UPF2: variants seen among roughly 807,000 people sequenced by gnomAD.
The protein encoded by UPF2 is regulator of nonsense transcripts 2.
In UPF2, 17 loss-of-function variants were observed where a neutral mutation model predicts 141.4. That is an observed-to-expected ratio of 0.12 (90% confidence interval 0.08 to 0.18). The LOEUF (loss-of-function observed/expected upper bound fraction) is 0.18. Among genes scored for constraint, UPF2 ranks in the 10% least tolerant of loss-of-function variants. UPF2 has a pLI of 1.00. For missense variants in UPF2, 1,152 were observed against 1,515.9 expected (o/e 0.76, Z 3.99); for synonymous variants, 540 against 498.0 (o/e 1.08, Z -1.12).
At chr10:11,952,709 C>T (rs549713362) in intron 14 of UPF2, among the ~76,000 whole-genome samples, 3 of 152,090 alleles carry the variant, frequency 2.0e-5, no homozygotes, top group Non-Finnish European at 4.4e-5. Context: ...CTCCTGACCT[C>T]GTGATCCGCC....
intron 14 of UPF2, 64 bp downstream of exon 14, chr10:11,955,165 ATAG>A: frequency 1.4e-6 from 2 of 1,427,954 alleles, no homozygotes; most frequent in Non-Finnish European, 1.9e-6. Flanking sequence ...TTCTTCTCTC[ATAG>A]TATTCTTTTA....
chr10:12,003,630 T>C (rs1003588753), intron 5 of UPF2, among the ~76,000 whole-genome samples: 1 of 151,930 alleles, frequency 6.6e-6, no homozygotes, highest in Non-Finnish European at 1.5e-5. Flanking sequence ...AAAATTAACG[T>C]TTAGGAATGC....
chr10:11,922,024 A>T (rs1277173336), intron 21 of UPF2, among the ~76,000 whole-genome samples: 1 of 152,170 alleles, frequency 6.6e-6, no homozygotes, highest in African/African-American at 2.4e-5. Flanking sequence ...ATAAAAAGGG[A>T]AATTTGCACA....
At chr10:12,026,050 T>TC (rs1834413900) in intron 3 of UPF2, among the ~76,000 whole-genome samples, 1 of 152,116 alleles carries the variant, frequency 6.6e-6, no homozygotes, top group East Asian at 1.9e-4. Flanking sequence ...TGCCTCAGCC[T>TC]CCCAAAGTGC....
intron 21 of UPF2, 90 bp downstream of exon 21, chr10:11,929,775 T>C (rs1832760060): frequency 4.6e-6 from 7 of 1,515,814 alleles, no homozygotes; most frequent in African/African-American, 2.8e-5. Context: ...AATCGGGCCT[T>C]TGCCAAAAAC....
chr10:11,957,354 G>T (rs941588477), intron 12 of UPF2, among the ~76,000 whole-genome samples: 1 of 151,706 alleles, frequency 6.6e-6, no homozygotes. Flanking sequence ...ACTTGAACCC[G>T]GGAGGCAGAG....
chr10:12,020,874 A>G (rs1057196531), intron 3 of UPF2, among the ~76,000 whole-genome samples: 1 of 152,204 alleles, frequency 6.6e-6, no homozygotes, highest in Non-Finnish European at 1.5e-5. Flanking sequence ...TGCCTTTCAA[A>G]TTATAATTAT....
chr10:12,018,003 T>C (rs1834254137), intron 3 of UPF2, among the ~76,000 whole-genome samples: 1 of 152,218 alleles, frequency 6.6e-6, no homozygotes, highest in Non-Finnish European at 1.5e-5. Flanking sequence ...ATGACTTCTG[T>C]TATATATAAA....
chr10:12,024,149 T>C (rs930462192), intron 3 of UPF2, among the ~76,000 whole-genome samples: 19 of 152,074 alleles, frequency 1.2e-4, no homozygotes, highest in Admixed American at 1.3e-4. Flanking sequence ...TCCTATGATG[T>C]AGAAAAACCT....
Position 11,998,457 on chromosome 10 carries a change from A to C in UPF2, c.1759-700T>G, listed in dbSNP as rs930910670. Among the ~76,000 whole-genome samples the C allele has an allele frequency of 1.3e-5, 2 of 152,112 alleles. No individual in the cohort carries two copies. The highest frequency in any genetic ancestry group is 4.8e-5 in the African/African-American group (2 of 41,424). On this transcript the variant is annotated intron_variant, in intron 7 of 21. Transcript: ENST00000357604. This position sits in a 1 kb window ranked among gnomAD's most constrained non-coding sequence, Gnocchi z 4.5. ...GGGTGCAGTGGCACAATCATGGCTC[A>C]CTGCAGCCTTGCTCTGCCAGGCTCC...
Position 11,938,863 on chromosome 10 carries a change from T to TG in UPF2, c.3379-2152_3379-2151insC, listed in dbSNP as rs1564337822. Among the ~76,000 whole-genome samples, 86 of 81,088 alleles carry TG rather than the reference T, an allele frequency of 1.1e-3. 2 individuals carry two copies. The highest frequency in any genetic ancestry group is 7.7e-3 in the East Asian group (10 of 1,304). 53.2% of individuals were successfully genotyped at this position (81,088 alleles called of 152,430 possible). A position where few individuals can be genotyped will look rare whatever the true frequency, so the allele number is the denominator to read the frequency against. ...GCAAGTTTTTTTTTTGTTTTTTTTT[T>TG]TTTTTTTTTTTTTTTTTTTGGAGAC... On this transcript the variant is annotated intron_variant, in intron 18 of 21. Transcript: ENST00000357604.
chr10:11,955,122 G>A, intron 14 of UPF2, 110 bp downstream of exon 14: 2 of 1,009,350 alleles, frequency 2.0e-6, no homozygotes, highest in South Asian at 4.1e-5. Flanking sequence ...ATCTAATTAT[G>A]AACATATATA....
Position 11,931,963 on chromosome 10 carries a change from A to C in UPF2, c.3547-181T>G, listed in dbSNP as rs1193071620. ...CAAGAGATCAAGACCATCCAGGCCA[A>C]CATGATGAAACCCCGTCTTTACTAA... On this transcript the variant is annotated intron_variant, in intron 19 of 21. Transcript: ENST00000357604. The surrounding 1 kb of genome is among the most constrained non-coding windows in gnomAD (Gnocchi z 5.9). Among the ~76,000 whole-genome samples the C allele has an allele frequency of 6.6e-6, 1 of 152,198 alleles. No individual in the cohort carries two copies. The highest frequency in any genetic ancestry group is 2.4e-5 in the African/African-American group (1 of 41,464).
At chr10:12,036,764 GC>G (rs1834632555) in intron 1 of UPF2, among the ~76,000 whole-genome samples, 1 of 152,186 alleles carries the variant, frequency 6.6e-6, no homozygotes, top group Non-Finnish European at 1.5e-5. Flanking sequence ...AGTGGCTCAT[GC>G]CTATAATCTC....
intron 16 of UPF2, 117 bp downstream of exon 16, chr10:11,948,247 CAAAAA>C (rs139062017): frequency 4.8e-3 from 2,259 of 470,120 alleles, no homozygotes; most frequent in South Asian, 9.1e-3. Flanking sequence ...GACTCTGTCT[CAAAAA>C]AAAAAAAAAA....
chr10:11,959,468 G>T lies in UPF2; in HGVS notation c.2185-112C>A. On this transcript the variant is annotated intron_variant, in intron 11 of 21. Coordinates refer to ENST00000357604, the MANE Select transcript of UPF2 (RefSeq NM_015542.4). This position sits in a 1 kb window ranked among gnomAD's most constrained non-coding sequence, Gnocchi z 5.9. ...TATTTCAAAGTAATGGGTTAGAAAGGCAAAGAAAGGACTGGGCACTGTGGC... is the reference window on the plus strand; with the variant it reads ...TATTTCAAAGTAATGGGTTAGAAAGTCAAAGAAAGGACTGGGCACTGTGGC... 1.7e-6 allele frequency: 2 copies of T among 1,172,622 alleles called. No individual in the cohort carries two copies. Among genetic ancestry groups the T allele is most frequent in the African/African-American group, 1.6e-5 (1 of 64,214 alleles). 72.6% of individuals were successfully genotyped at this position (1,172,622 alleles called of 1,614,324 possible). A position where few individuals can be genotyped will look rare whatever the true frequency, so the allele number is the denominator to read the frequency against.
rs1832636033 is a variant in UPF2, at chr10:11,921,092, C to G, written c.*206G>C. On this transcript the variant is annotated 3_prime_UTR_variant, in exon 22 of 22. Transcript: ENST00000357604. This position sits in a 1 kb window ranked among gnomAD's most constrained non-coding sequence, Gnocchi z 5.9. ...AGATTTCCATTACAAAAGGCCTTTTCCGCCTTGTCTGGAAGCGTCGGCTTG... is the reference window on the plus strand; with the variant it reads ...AGATTTCCATTACAAAAGGCCTTTTGCGCCTTGTCTGGAAGCGTCGGCTTG... 1.3e-6 allele frequency: 1 copy of G among 787,530 alleles called. No individual in the cohort carries two copies. Among genetic ancestry groups the G allele is most frequent in the Non-Finnish European group, 2.3e-6 (1 of 427,836 alleles). 48.8% of individuals were successfully genotyped at this position (787,530 alleles called of 1,614,324 possible). A position where few individuals can be genotyped will look rare whatever the true frequency, so the allele number is the denominator to read the frequency against.
chr10:12,003,447 C>G (rs1451174659), intron 5 of UPF2, among the ~76,000 whole-genome samples: 3 of 152,028 alleles, frequency 2.0e-5, no homozygotes, highest in Non-Finnish European at 4.4e-5. Context: ...GGCAAGAAGG[C>G]AAGAAGATGG....
Position 12,031,173 on chromosome 10 carries a change from C to CAAAAAAAAA in UPF2, c.366-1658_366-1650dup, listed in dbSNP as rs1230080718. Among the ~76,000 whole-genome samples the CAAAAAAAAA allele has an allele frequency of 6.7e-5, 2 of 29,904 alleles. 1 individual carries two copies. The allele number at this position is 29,904 out of a possible 152,430, so 19.6% of individuals were successfully genotyped here. On this transcript the variant is annotated intron_variant, in intron 2 of 21. Transcript: ENST00000357604. ...TGGGCGAAAGAGCAAGACTCCATCT[C>CAAAAAAAAA]AAAAAAAAAAAAAAAAACAAAACAG...
Sources: gnomAD v4.1 joint callset for allele counts (sites outside exome capture counted in the v4.1 genomes callset) on GRCh38, gnomAD v4.1.1 for gene constraint, Gnocchi (gnomAD v3.1) non-coding constraint, MANE v1.5 for transcripts, NCBI Gene and HGNC (gene_info 2026-07-23, HGNC 2026-07-21) for gene names.